The following KALRN variants were observed in gnomAD, a reference collection of about 807,000 sequenced individuals.
The protein encoded by KALRN is kalirin RhoGEF kinase.
In KALRN, 70 loss-of-function variants were observed where a neutral mutation model predicts 353.7. That is an observed-to-expected ratio of 0.20 (90% confidence interval 0.16 to 0.24). The LOEUF (loss-of-function observed/expected upper bound fraction) is 0.24, where lower values mean the gene tolerates loss of function less well. KALRN is among the 10% of genes least tolerant of loss of function. The pLI is 1.00. For synonymous variants in KALRN, 1,391 were observed against 1,434.8 expected, an observed-to-expected ratio of 0.97 and a Z score of 0.69; for missense variants, 2,791 against 3,756.7, an observed-to-expected ratio of 0.74 and a Z score of 6.72.
chr3:124,147,501 G>A (rs1000947797), intron 1 of KALRN, among the ~76,000 whole-genome samples: 5 of 152,146 alleles, frequency 3.3e-5, no homozygotes, highest in Admixed American at 2.0e-4. Flanking sequence ...TCAGTAGCTT[G>A]TGTTAGTGGC....
rs192895626 is a variant in KALRN at position 124,674,326 on chromosome 3, C to T, written c.6943-38C>T. The stretch of plus-strand genomic sequence containing the variant: ...GAGCAAGCCCATGTGAACTAGCGTC[C>T]TTGTGTTTGTGCCCCTCTCACCCTT... On this transcript the variant is annotated intron_variant, in intron 48 of 59. Coordinates refer to ENST00000682506, the MANE Select transcript of KALRN (RefSeq NM_001388419.1). 5.0e-6 allele frequency: 8 copies of T among 1,587,886 alleles called. No homozygotes were observed. The Admixed American group carries it at 1.4e-4, about 27-fold the overall frequency.
At chr3:124,259,488 A>T (rs1047402999) in intron 3 of KALRN, among the ~76,000 whole-genome samples, 1 of 152,176 alleles carries the variant, frequency 6.6e-6, no homozygotes, top group Non-Finnish European at 1.5e-5. Flanking sequence ...TAAGTGATTT[A>T]TGTCTATTAG....
At chr3:124,693,917 C>A in intron 52 of KALRN, 86 bp downstream of exon 52, 2 of 915,740 alleles carry the variant, frequency 2.2e-6, no homozygotes, top group Non-Finnish European at 3.4e-6. Context: ...TGGCTGTAAG[C>A]AATGGTGATA....
Position 124,078,472 on chromosome 3 carries a change from G to A in KALRN, c.73+44659G>A, listed in dbSNP as rs562282864. ...CATCAGGTACAGTCTAGGCCCTGTC[G>A]TGTAATGGGGAAACAGGCTGGTAGA... On this transcript the variant is annotated intron_variant, in intron 1 of 59. Coordinates refer to ENST00000682506, the MANE Select transcript of KALRN (RefSeq NM_001388419.1). 3.3e-5 allele frequency among the ~76,000 whole-genome samples: 5 copies of A among 152,242 alleles called. No homozygotes were observed. The South Asian group carries it at 6.2e-4, about 19-fold the overall frequency.
At chr3:124,473,317 G>A (rs1264460393) in intron 25 of KALRN, among the ~76,000 whole-genome samples, 2 of 152,120 alleles carry the variant, frequency 1.3e-5, no homozygotes, top group Non-Finnish European at 2.9e-5. Flanking sequence ...ACTTTATATC[G>A]TGTATCCTTT....
intron 1 of KALRN, among the ~76,000 whole-genome samples, chr3:124,174,875 G>A (rs896563315): frequency 1.3e-5 from 2 of 152,218 alleles, no homozygotes; most frequent in East Asian, 1.9e-4. Context: ...AGGATAGCTC[G>A]GTTTCCGTAA....
intron 1 of KALRN, among the ~76,000 whole-genome samples, chr3:124,047,049 G>T (rs1300026086): frequency 6.8e-6 from 1 of 147,832 alleles, no homozygotes; most frequent in African/African-American, 2.5e-5. Flanking sequence ...TGAAGTCAAC[G>T]TTGTGAAATA....
intron 3 of KALRN, among the ~76,000 whole-genome samples, chr3:124,244,928 T>G (rs74498043): frequency 0.012 from 1,874 of 152,294 alleles, 28 homozygotes; most frequent in African/African-American, 0.04. Context: ...GTATACAATG[T>G]GCAGTGGTCA....
intron 5 of KALRN, among the ~76,000 whole-genome samples, chr3:124,287,795 A>G (rs375335090): frequency 4.5e-4 from 8 of 17,862 alleles, no homozygotes; most frequent in South Asian, 4.9e-3. Context: ...ATATATATAT[A>G]TATATATATA....
chr3:124,303,373 C>T (rs903149101), intron 6 of KALRN, among the ~76,000 whole-genome samples: 2 of 152,150 alleles, frequency 1.3e-5, no homozygotes, highest in African/African-American at 4.8e-5. Context: ...CCTCAGACAA[C>T]CAGCTTTCCT....
In KALRN at chr3:124,227,674, T is replaced by G. The variant is rs1016737830; in HGVS notation, c.74-316T>G. On this transcript the variant is annotated intron_variant, in intron 1 of 59. Coordinates refer to ENST00000682506, the MANE Select transcript of KALRN (RefSeq NM_001388419.1). ...ATAGCAACAGGGCTGTTTTTTTTTT[T>G]TTTTTTTTTTTTTTTTTTTTTTTTT... 2.8e-3 allele frequency among the ~76,000 whole-genome samples: 63 copies of G among 22,236 alleles called. 4 individuals are homozygous for G. Among genetic ancestry groups the G allele is most frequent in the East Asian group, 0.02 (25 of 1,264 alleles). The allele number at this position is 22,236 out of a possible 152,430, so 14.6% of individuals were successfully genotyped here.
At chr3:124,114,546 A>G (rs2063290414) in intron 1 of KALRN, among the ~76,000 whole-genome samples, 1 of 152,170 alleles carries the variant, frequency 6.6e-6, no homozygotes, top group Non-Finnish European at 1.5e-5. Context: ...GGCACTTGGA[A>G]TATTGGGGAT....
chr3:124,343,311 C>T (rs1358300151), intron 9 of KALRN, among the ~76,000 whole-genome samples: 1 of 152,164 alleles, frequency 6.6e-6, no homozygotes, highest in Non-Finnish European at 1.5e-5. Context: ...GTGTGCACCA[C>T]CACGCCTGGC....
intron 34 of KALRN, among the ~76,000 whole-genome samples, chr3:124,608,491 A>T (rs1294245119): frequency 1.3e-5 from 2 of 152,184 alleles, no homozygotes; most frequent in Non-Finnish European, 2.9e-5. Context: ...CCCAGAGACT[A>T]GTTGCTGGAA....
chr3:124,410,892 A>G (rs1226925007), intron 13 of KALRN, among the ~76,000 whole-genome samples: 1 of 152,246 alleles, frequency 6.6e-6, no homozygotes, highest in Non-Finnish European at 1.5e-5. Context: ...AAAGACTTCT[A>G]TAAGAACTTT....
intron 58 of KALRN, among the ~76,000 whole-genome samples, chr3:124,715,252 A>G (rs2150809974): frequency 6.6e-6 from 1 of 152,270 alleles, no homozygotes; most frequent in South Asian, 2.1e-4. Flanking sequence ...CCTGTGCTGG[A>G]TCTCATTATC....
chr3:124,488,367 G>T (rs1276902956), intron 29 of KALRN, 52 bp downstream of exon 29: 1 of 1,197,758 alleles, frequency 8.3e-7, no homozygotes, highest in Non-Finnish European at 1.2e-6. Flanking sequence ...TGACACGGGG[G>T]AGCTTGTATC....
At chr3:124,363,414 C>A (rs1162033748) in intron 10 of KALRN, among the ~76,000 whole-genome samples, 2 of 152,162 alleles carry the variant, frequency 1.3e-5, no homozygotes, top group Non-Finnish European at 2.9e-5. Flanking sequence ...GTACAGCTCC[C>A]CTAACCTTGC....
In KALRN at chr3:124,209,492, C is replaced by CAAAAAAAAAAA. The variant is rs5852396; in HGVS notation, c.74-18483_74-18473dup. Among the ~76,000 whole-genome samples the CAAAAAAAAAAA allele has an allele frequency of 2.9e-5, 2 of 70,054 alleles. 1 individual carries two copies. The highest frequency in any genetic ancestry group is 5.0e-5 in the Non-Finnish European group (2 of 40,224). 46.0% of individuals were successfully genotyped at this position (70,054 alleles called of 152,430 possible). A position where few individuals can be genotyped will look rare whatever the true frequency, so the allele number is the denominator to read the frequency against. On this transcript the variant is annotated intron_variant, in intron 1 of 59. Transcript: ENST00000682506. ...CAACAGAGCAAGACTCACTCTGTCTCAAAAAAAAAAAAAAAAAAAAAAAAA... is the reference window on the plus strand; with the variant it reads ...CAACAGAGCAAGACTCACTCTGTCTCAAAAAAAAAAAAAAAAAAAAAAAAAAAAAAAAAAAA...
Sources: gnomAD v4.1 joint callset for allele counts (sites outside exome capture counted in the v4.1 genomes callset) on GRCh38, gnomAD v4.1.1 for gene constraint, MANE v1.5 for transcripts, NCBI Gene and HGNC (gene_info 2026-07-23, HGNC 2026-07-21) for gene names.